The following CLEC12A variants were observed in gnomAD, a reference collection of about 807,000 sequenced individuals.
The protein encoded by CLEC12A is C-type lectin domain family 12 member A, also known as C-type lectin protein CLL-1.
CLEC12A carries 22 observed loss-of-function variants against 26.5 expected under a neutral mutation model. The ratio of observed to expected loss-of-function variants is 0.83; its 90% CI spans 0.59 to 1.19. CLEC12A has a LOEUF of 1.19. CLEC12A is among the 50% of genes most tolerant of loss of function. The pLI, the probability that CLEC12A is intolerant of heterozygous loss-of-function variation, is 0.00. For synonymous variants in CLEC12A, 119 were observed against 101.9 expected (o/e 1.17, Z -1.01); for missense variants, 353 against 315.6 (o/e 1.12, Z -0.90).
intron 1 of CLEC12A, among the ~76,000 whole-genome samples, chr12:9,957,128 A>G (rs1863753492): frequency 6.6e-6 from 1 of 152,184 alleles, no homozygotes; most frequent in African/African-American, 2.4e-5. Flanking sequence ...CCTTTCTCCA[A>G]AGATGCTTTT....
At chr12:9,979,204 A>G in intron 2 of CLEC12A, 132 bp from the exon 3 acceptor site, 1 of 955,076 alleles carries the variant, frequency 1.0e-6, no homozygotes, top group Non-Finnish European at 1.6e-6. Flanking sequence ...TGTGGAACTT[A>G]GTCTCTTTCC....
downstream of CLEC12A, chr12:9,986,188 C>T (rs1268106260): frequency 2.2e-6 from 1 of 451,766 alleles, no homozygotes; most frequent in Non-Finnish European, 4.5e-6. Flanking sequence ...AGATAAATAA[C>T]ATTTACAGTT....
chr12:9,959,021 G>A (rs1274898027), intron 1 of CLEC12A, among the ~76,000 whole-genome samples: 1 of 152,146 alleles, frequency 6.6e-6, no homozygotes, highest in South Asian at 2.1e-4. Context: ...GAGTTGGTCT[G>A]GCAATATTTT....
At chr12:9,997,379 A>C (rs1033897489), downstream of CLEC12A, 1 of 1,085,260 alleles carries the variant, frequency 9.2e-7, no homozygotes. Flanking sequence ...TTGCCAATAT[A>C]TGAGGAGTTT....
intron 1 of CLEC12A, among the ~76,000 whole-genome samples, chr12:9,960,790 C>A (rs1863815306): frequency 6.6e-6 from 1 of 151,988 alleles, no homozygotes; most frequent in Non-Finnish European, 1.5e-5. Flanking sequence ...GCTTAGAAAA[C>A]CGACTTTCAG....
Position 9,961,157 on chromosome 12 carries a change from G to A in CLEC12A, c.10+9801G>A, listed in dbSNP as rs562917248. On this transcript the variant is annotated intron_variant, in intron 1 of 6. Transcript: ENST00000355690. ...AATAGAAAAGAAATGTCTGGGTTGT[G>A]GTAAGAGGTTGTAGAGACCAAGGTT... is the stretch of plus-strand genomic sequence containing the variant. Among the ~76,000 whole-genome samples the A allele has an allele frequency of 5.9e-5, 9 of 152,306 alleles. No homozygotes were observed. In the East Asian group the frequency reaches 1.7e-3, roughly 29 times the overall value.
intron 4 of CLEC12A, chr12:9,994,945 T>G (rs1864998829): frequency 1.4e-6 from 2 of 1,410,822 alleles, no homozygotes. Flanking sequence ...GATTGTGGCT[T>G]AGATAAAGAG....
At chr12:9,972,719 A>G (rs1436780460) in intron 1 of CLEC12A, among the ~76,000 whole-genome samples, 1 of 152,198 alleles carries the variant, frequency 6.6e-6, no homozygotes, top group African/African-American at 2.4e-5. Context: ...GGATCCATTT[A>G]TGATGAGCAT....
rs970376043 is a variant in CLEC12A, at chr12:9,985,398, G to T, written c.*372G>T. ...AATTTTAATTTTGTCCCACAGCGTT[G>T]CTAGGGTGGCATGGCTCCCCATCTC... is the stretch of plus-strand genomic sequence containing the variant. On this transcript the variant is annotated 3_prime_UTR_variant, in exon 6 of 6. Transcript: ENST00000304361. 5.0e-6 allele frequency: 2 copies of T among 401,326 alleles called. No homozygotes were observed. Among genetic ancestry groups the T allele is most frequent in the African/African-American group, 2.1e-5 (1 of 48,770 alleles). 24.9% of individuals were successfully genotyped at this position (401,326 alleles called of 1,614,324 possible). A position where few individuals can be genotyped will look rare whatever the true frequency, so the allele number is the denominator to read the frequency against.
At chr12:9,982,683 T>C (rs1217904659) in intron 5 of CLEC12A, among the ~76,000 whole-genome samples, 1 of 152,142 alleles carries the variant, frequency 6.6e-6, no homozygotes, top group African/African-American at 2.4e-5. Flanking sequence ...TGCAATTTTG[T>C]TATATAAATA....
At chr12:9,983,528 A>C in intron 5 of CLEC12A, 2 of 696,188 alleles carry the variant, frequency 2.9e-6, no homozygotes. Context: ...TTTGGGAAGC[A>C]GAAAATATCA....
chr12:9,983,691 T>A, intron 5 of CLEC12A: 1 of 538,440 alleles, frequency 1.9e-6, no homozygotes. Context: ...GATCCCTGCA[T>A]ACTCATCACA....
intron 5 of CLEC12A, chr12:9,983,390 G>T (rs1864637819): frequency 1.7e-6 from 1 of 573,214 alleles, no homozygotes; most frequent in African/African-American, 1.9e-5. Flanking sequence ...GTATAATGAG[G>T]AATGTGGTTA....
chr12:10,001,250 G>A, the CLEC12A span, among the ~76,000 whole-genome samples: 3 of 152,166 alleles, frequency 2.0e-5, no homozygotes, highest in South Asian at 6.2e-4. Context: ...CATGTCCCAT[G>A]TATTTTTGTA....
intron 1 of CLEC12A, among the ~76,000 whole-genome samples, chr12:9,963,653 A>G (rs2961538): frequency 7.2e-5 from 11 of 152,312 alleles, no homozygotes; most frequent in South Asian, 4.1e-4. Flanking sequence ...ATTGAATTTT[A>G]GGAGTAAGGA....
At chr12:9,966,773 A>C (rs1358970151), upstream of CLEC12A, among the ~76,000 whole-genome samples, 1 of 145,400 alleles carries the variant, frequency 6.9e-6, no homozygotes, top group Non-Finnish European at 1.5e-5. Context: ...GTTTTATTTA[A>C]TGTCGGGAGC....
chr12:10,000,068 A>G (rs1464733305), downstream of CLEC12A, among the ~76,000 whole-genome samples: 1 of 152,194 alleles, frequency 6.6e-6, no homozygotes, highest in Non-Finnish European at 1.5e-5. Flanking sequence ...GATGTTGTCT[A>G]TTTTGCCATA....
chr12:9,952,386 G>T (rs1447492139), intron 1 of CLEC12A, among the ~76,000 whole-genome samples: 3 of 150,344 alleles, frequency 2.0e-5, no homozygotes, highest in South Asian at 2.1e-4. Context: ...TGTGTTGGCC[G>T]GGCCGGTCTC....
Position 9,995,176 on chromosome 12 carries a change from C to G in CLEC12A, n.1163C>G, listed in dbSNP as rs201431937. ...GATAACCGAGCCATCCTCCCACTTC[C>G]AGACCTCATTCGACTTCTGGCGAGA... is the stretch of plus-strand genomic sequence containing the variant. On this transcript the variant is annotated non_coding_transcript_exon_variant, in exon 5 of 5. Transcript: ENST00000449959. 806 of 1,613,026 alleles carry G rather than the reference C, an allele frequency of 5.0e-4. No homozygotes were observed. Among genetic ancestry groups the G allele is most frequent in the Non-Finnish European group, 6.3e-4 (744 of 1,179,234 alleles).
Sources: allele counts gnomAD v4.1 joint callset (sites outside exome capture counted in the v4.1 genomes callset), GRCh38; gene constraint gnomAD v4.1.1; transcripts MANE v1.5; gene names NCBI Gene and HGNC (gene_info 2026-07-23, HGNC 2026-07-21).